NIPSNAP3B: variants seen among roughly 807,000 people sequenced by gnomAD.
The protein encoded by NIPSNAP3B is protein NipSnap homolog 3B.
NIPSNAP3B carries 30 observed loss-of-function variants against 31.5 expected under a neutral mutation model. That is an observed-to-expected ratio of 0.95 (90% CI 0.71 to 1.29). NIPSNAP3B has a LOEUF of 1.29. NIPSNAP3B is among the 50% of genes most tolerant of loss of function. The pLI is 0.00. For missense variants in NIPSNAP3B, 269 were observed against 300.7 expected, an observed-to-expected ratio of 0.89 and a Z score of 0.78; for synonymous variants, 106 against 107.9, an observed-to-expected ratio of 0.98 and a Z score of 0.11.
chr9:104,780,057 A>G (rs1009551574), downstream of NIPSNAP3B, among the ~76,000 whole-genome samples: 5 of 151,768 alleles, frequency 3.3e-5, no homozygotes, highest in Admixed American at 6.6e-5. Context: ...CAAAAACAAA[A>G]CCTCATGGGT....
chr9:104,771,182 G>T, intron 4 of NIPSNAP3B, 184 bp downstream of exon 4: 2 of 509,880 alleles, frequency 3.9e-6, no homozygotes, highest in Admixed American at 3.5e-5. Context: ...AATACTTTAT[G>T]GAGCCTTTTT....
chr9:104,788,158 T>C, the NIPSNAP3B span: 12 of 1,328,182 alleles, frequency 9.0e-6, no homozygotes, highest in African/African-American at 1.5e-5. Flanking sequence ...AGGACTAGAT[T>C]CTATAATCAT....
At chr9:104,785,700 G>T in the NIPSNAP3B span, 4 of 1,601,648 alleles carry the variant, frequency 2.5e-6, no homozygotes, top group Non-Finnish European at 3.4e-6. Context: ...AAAGAATACT[G>T]AACCCTGGGA....
chr9:104,787,842 TG>T, the NIPSNAP3B span: 1 of 1,613,504 alleles, frequency 6.2e-7, no homozygotes, highest in Non-Finnish European at 8.5e-7. Flanking sequence ...ACAACAGCCC[TG>T]GACATATAGG....
chr9:104,766,599 C>A, intron 2 of NIPSNAP3B, 64 bp downstream of exon 2: 1 of 1,475,088 alleles, frequency 6.8e-7, no homozygotes, highest in Non-Finnish European at 9.5e-7. Context: ...TAACATAAGA[C>A]TTAGTTCTTG....
chr9:104,769,103 G>GA (rs1292720237), intron 3 of NIPSNAP3B, 82 bp downstream of exon 3: 8 of 975,074 alleles, frequency 8.2e-6, no homozygotes, highest in South Asian at 4.7e-5. Flanking sequence ...AGTTCTATAG[G>GA]AAAAAAATAT....
At chr9:104,786,228 A>T in the NIPSNAP3B span, 3 of 1,278,792 alleles carry the variant, frequency 2.3e-6, no homozygotes, top group Non-Finnish European at 3.4e-6. Context: ...GGCACCATTT[A>T]TATACTCACA....
chr9:104,770,964 T>C lies in NIPSNAP3B; in HGVS notation c.546T>C (p.Gly182=). 1 of 1,613,978 alleles carries C rather than the reference T, an allele frequency of 6.2e-7. No individual in the cohort carries two copies. Among genetic ancestry groups the C allele is most frequent in the South Asian group, 1.1e-5 (1 of 91,082 alleles). The change falls in exon 4 of 6, where the codon GGT becomes GGC. Residue 182 remains glycine (G), a synonymous_variant. Transcript: ENST00000374762. ...ATTTAGGCTACACAAAAGTAGTTGG[T>C]GTTTTCCACACAGAATATGGAGAAC... The part of the protein sequence containing the change: ...HVNLGYTKVV[G]VFHTEYGELN...
chr9:104,775,844 C>T lies in NIPSNAP3B; in HGVS notation c.*2771C>T, dbSNP rs777137709. 2.0e-5 allele frequency among the ~76,000 whole-genome samples: 3 copies of T among 152,138 alleles called. No individual in the cohort carries two copies. The highest frequency in any genetic ancestry group is 6.5e-5 in the Admixed American group (1 of 15,274). The stretch of plus-strand genomic sequence containing the variant: ...CTCACACTGCCTTTTCTCTCATACA[C>T]CATTATGTACCTGTCAGCAGGTCCC... On this transcript the variant is annotated 3_prime_UTR_variant, in exon 6 of 6. Coordinates refer to ENST00000374762, the MANE Select transcript of NIPSNAP3B (RefSeq NM_018376.4).
chr9:104,772,783 C>A (rs1234087418), intron 4 of NIPSNAP3B, 39 bp from the exon 5 acceptor site: 2 of 1,583,218 alleles, frequency 1.3e-6, no homozygotes, highest in East Asian at 2.3e-5. Flanking sequence ...TTTGCTATTG[C>A]CATATATTTC....
At chr9:104,785,587 G>T in the NIPSNAP3B span, 1 of 1,614,162 alleles carries the variant, frequency 6.2e-7, no homozygotes. Context: ...ACAGGCTTCA[G>T]GTCCGGGTTG....
At position 104,766,448 on chromosome 9, in the gene NIPSNAP3B, C is replaced by G; in HGVS notation, c.184C>G (p.Leu62Val). The stretch of plus-strand genomic sequence containing the variant: ...GGAAAATCTTAAGAAAAACATTCAT[C>G]TTCGGACCTCTTACTCTGAATTGGT... ...FMENLKKNIH[L>V]RTSYSELVGF... Residue 62 changes from leucine (L) to valine (V), a missense_variant, in exon 2 of 6, where the codon CTT becomes GTT. Leu to Val is a conservative substitution (Grantham distance 32, BLOSUM62 1). Coordinates refer to ENST00000374762, the MANE Select transcript of NIPSNAP3B (RefSeq NM_018376.4). 6.2e-7 allele frequency: 1 copy of G among 1,613,816 alleles called. No homozygotes were observed. The highest frequency in any genetic ancestry group is 8.5e-7 in the Non-Finnish European group (1 of 1,179,776).
In NIPSNAP3B at chr9:104,774,504, C is replaced by T. The variant is rs1828292543; in HGVS notation, c.*1431C>T. ...AAATTAAAAGTTAACTAAAATACTA[C>T]AGAAGACATTTAATATTTTGCTTCA... is the stretch of plus-strand genomic sequence containing the variant. On this transcript the variant is annotated 3_prime_UTR_variant, in exon 6 of 6. Transcript: ENST00000374762. Among the ~76,000 whole-genome samples, 1 of 152,180 alleles carries T rather than the reference C, an allele frequency of 6.6e-6. No individual in the cohort carries two copies. The highest frequency in any genetic ancestry group is 2.1e-4 in the South Asian group (1 of 4,830).
chr9:104,766,514 G>T lies in NIPSNAP3B; in HGVS notation c.250G>T (p.Val84Leu). 1 of 1,613,374 alleles carries T rather than the reference G, an allele frequency of 6.2e-7. No individual in the cohort carries two copies. Among genetic ancestry groups the T allele is most frequent in the Middle Eastern group, 1.7e-4 (1 of 5,972 alleles). ...SVEFGGRTNK[V>L]FHIWKYDNFA... ...AGAATTTGGAGGCAGAACGAATAAA[G>T]TGTTTCATATTTGGAAGTATGGTAA... The change falls in exon 2 of 6, where the codon GTG (valine) becomes TTG (leucine). Residue 84 changes from valine (V) to leucine (L), a missense_variant. Coordinates refer to ENST00000374762, the MANE Select transcript of NIPSNAP3B (RefSeq NM_018376.4).
rs1828349967 is a variant in NIPSNAP3B, at chr9:104,776,940, A to G, written c.*3867A>G. Reference sequence around the variant, plus strand: ...CATGTCATTTTGAGCCACTGTTAACAGATTACATAACTGTTATTGGAAGTG... The same window carrying G: ...CATGTCATTTTGAGCCACTGTTAACGGATTACATAACTGTTATTGGAAGTG... On this transcript the variant is annotated 3_prime_UTR_variant, in exon 6 of 6. Transcript: ENST00000374762. 6.6e-6 allele frequency among the ~76,000 whole-genome samples: 1 copy of G among 152,242 alleles called. No homozygotes were observed. Among genetic ancestry groups the G allele is most frequent in the South Asian group, 2.1e-4 (1 of 4,834 alleles).
At chr9:104,779,623 T>TG (rs899180228), downstream of NIPSNAP3B, among the ~76,000 whole-genome samples, 3 of 145,282 alleles carry the variant, frequency 2.1e-5, no homozygotes, top group Non-Finnish European at 4.5e-5. Flanking sequence ...CTAAGTGGGT[T>TG]TTTTTTTTTT....
At position 104,769,141 on chromosome 9, in the gene NIPSNAP3B, A is replaced by C. The variant is rs75856980; in HGVS notation, c.430+120A>C. 6,372 of 694,570 alleles carry C rather than the reference A, an allele frequency of 9.2e-3. 46 individuals are homozygous for C. Among genetic ancestry groups the C allele is most frequent in the Middle Eastern group, 0.025 (55 of 2,184 alleles). The allele number at this position is 694,570 out of a possible 1,614,324, so 43.0% of individuals were successfully genotyped here. A position where few individuals can be genotyped will look rare whatever the true frequency, so the allele number is the denominator to read the frequency against. On this transcript the variant is annotated intron_variant, in intron 3 of 5. Transcript: ENST00000374762. ...AATTCTTTGTTTTATATAATAATAT[A>C]TGATGAGTCTGGAGATAAAAATGAA...
the NIPSNAP3B span, chr9:104,785,481 A>T: frequency 6.4e-7 from 1 of 1,565,846 alleles, no homozygotes; most frequent in Non-Finnish European, 8.7e-7. Flanking sequence ...TATCCTGGCC[A>T]GAGAAGATAA....
the NIPSNAP3B span, chr9:104,782,767 A>C: frequency 6.6e-6 from 1 of 152,152 alleles, no homozygotes; most frequent in Non-Finnish European, 1.5e-5. Context: ...CAAGTTTTCA[A>C]GCTAGCTGTT....
Sources: gnomAD v4.1 joint callset for allele counts (sites outside exome capture counted in the v4.1 genomes callset) on GRCh38, gnomAD v4.1.1 for gene constraint, MANE v1.5 for transcripts, NCBI Gene and HGNC (gene_info 2026-07-23, HGNC 2026-07-21) for gene names.